The following RSRC1 variants were observed in gnomAD, a reference collection of about 807,000 sequenced individuals.
RSRC1 encodes serine/Arginine-related protein 53.
A neutral mutation model predicts 49.1 loss-of-function variants in RSRC1; 39 were observed. That is an observed-to-expected ratio of 0.79 (90% CI 0.61 to 1.04). The LOEUF (loss-of-function observed/expected upper bound fraction) is 1.04. Ranked by LOEUF, RSRC1 falls within the 50% of genes least tolerant of loss-of-function variation. The pLI is 0.00. For synonymous variants in RSRC1, 143 were observed against 130.8 expected (o/e 1.09, Z -0.63); for missense variants, 388 against 402.4 (o/e 0.96, Z 0.31).
At chr3:158,366,788 A>AT (rs1182205260) in intron 6 of RSRC1, among the ~76,000 whole-genome samples, 1 of 152,014 alleles carries the variant, frequency 6.6e-6, no homozygotes, top group Non-Finnish European at 1.5e-5. Context: ...TGAGCATGGA[A>AT]TTTTTTTCCC....
chr3:158,315,654 TAATTA>T (rs1728387538), intron 5 of RSRC1, among the ~76,000 whole-genome samples: 1 of 152,186 alleles, frequency 6.6e-6, no homozygotes, highest in African/African-American at 2.4e-5. Context: ...TAAACAATCT[TAATTA>T]AATGAAGGAG....
intron 4 of RSRC1, among the ~76,000 whole-genome samples, chr3:158,251,984 T>G (rs1345202782): frequency 6.6e-6 from 1 of 152,170 alleles, no homozygotes; most frequent in Non-Finnish European, 1.5e-5. Context: ...CATTGAGATA[T>G]TTTCCTTCTG....
At chr3:158,239,635 A>G (rs992417640) in intron 4 of RSRC1, among the ~76,000 whole-genome samples, 1 of 152,088 alleles carries the variant, frequency 6.6e-6, no homozygotes, top group Non-Finnish European at 1.5e-5. Context: ...ATGATGAGTT[A>G]ATGGGTACAG....
intron 6 of RSRC1, 78 bp downstream of exon 6, chr3:158,354,986 G>T (rs1731080869): frequency 5.9e-6 from 5 of 853,670 alleles, no homozygotes; most frequent in East Asian, 3.4e-5. Flanking sequence ...TTAGAAATGA[G>T]TAAAAAAAAA....
At chr3:158,506,156 A>AAC (rs1739851317) in intron 7 of RSRC1, among the ~76,000 whole-genome samples, 1 of 152,200 alleles carries the variant, frequency 6.6e-6, no homozygotes, top group Non-Finnish European at 1.5e-5. Flanking sequence ...AACCAAGTGA[A>AAC]AGACAAGCTT....
intron 6 of RSRC1, among the ~76,000 whole-genome samples, chr3:158,408,540 A>G (rs140629826): frequency 5.3e-5 from 8 of 152,326 alleles, no homozygotes; most frequent in African/African-American, 1.7e-4. Flanking sequence ...AAAAAAAATG[A>G]GCAAATTTAG....
chr3:158,448,767 G>T (rs767510896), intron 6 of RSRC1, among the ~76,000 whole-genome samples: 6 of 151,858 alleles, frequency 4.0e-5, no homozygotes, highest in Non-Finnish European at 8.8e-5. Context: ...TAAAAAGAAA[G>T]AGCACATGAA....
chr3:158,313,049 T>G (rs931382999), intron 5 of RSRC1, among the ~76,000 whole-genome samples: 1 of 152,134 alleles, frequency 6.6e-6, no homozygotes, highest in Non-Finnish European at 1.5e-5. Context: ...TATATTCTAG[T>G]CCTTGCTGTT....
At chr3:158,367,343 G>T (rs12639261) in intron 6 of RSRC1, among the ~76,000 whole-genome samples, 33,377 of 152,044 alleles carry the variant, frequency 0.22, 4,259 homozygotes, top group Non-Finnish European at 0.29. Flanking sequence ...TTTTTTGCAT[G>T]AAGGGGTGTT....
chr3:158,288,838 C>CCG (rs1726742617), intron 4 of RSRC1, among the ~76,000 whole-genome samples: 1 of 44,636 alleles, frequency 2.2e-5, no homozygotes, highest in African/African-American at 1.0e-4. Flanking sequence ...GTTCCCCGCC[C>CCG]CCCCCCCCCC....
At chr3:158,209,723 T>G (rs1721554830) in intron 4 of RSRC1, among the ~76,000 whole-genome samples, 1 of 152,094 alleles carries the variant, frequency 6.6e-6, no homozygotes, top group Non-Finnish European at 1.5e-5. Context: ...ATTCTTCCAT[T>G]TTTCTTTGTA....
Position 158,287,366 on chromosome 3 carries a change from G to C in RSRC1, c.495-10673G>C, listed in dbSNP as rs6782027. 5.5e-3 allele frequency among the ~76,000 whole-genome samples: 838 copies of C among 152,168 alleles called. 10 individuals carry two copies. Among genetic ancestry groups the C allele is most frequent in the African/African-American group, 0.02 (817 of 41,518 alleles). ...TGTATTTATATAGAAGTAATAGAAT[G>C]CATGAATTTATTTATGATTAAATAG... On this transcript the variant is annotated intron_variant, in intron 4 of 9. Coordinates refer to ENST00000611884, the MANE Select transcript of RSRC1 (RefSeq NM_001271838.2).
chr3:158,191,368 A>G (rs1720230477), intron 3 of RSRC1, among the ~76,000 whole-genome samples: 1 of 152,104 alleles, frequency 6.6e-6, no homozygotes, highest in South Asian at 2.1e-4. Flanking sequence ...CTTTATTTAT[A>G]GATAGGACTT....
At chr3:158,386,115 G>T (rs1189237772) in intron 6 of RSRC1, among the ~76,000 whole-genome samples, 1 of 151,876 alleles carries the variant, frequency 6.6e-6, no homozygotes, top group Non-Finnish European at 1.5e-5. Context: ...TTATTGAGTG[G>T]ATAAATTTTT....
At chr3:158,442,121 G>T (rs1327202614) in intron 6 of RSRC1, among the ~76,000 whole-genome samples, 1 of 152,124 alleles carries the variant, frequency 6.6e-6, no homozygotes, top group Non-Finnish European at 1.5e-5. Context: ...AGCCTTTAGT[G>T]AGGAGGGTCT....
intron 7 of RSRC1, chr3:158,496,563 T>C (rs1380848140): frequency 2.0e-5 from 3 of 152,750 alleles, no homozygotes; most frequent in Admixed American, 6.5e-5. Flanking sequence ...GAGTTGGCCT[T>C]GTGGCATTAT....
In RSRC1 at chr3:158,411,213, AGTT is replaced by A. The variant is rs541779027; in HGVS notation, c.584-49716_584-49714del. ...AATTTCTGCTGTTGATGGACTTTTG[AGTT>A]GTTGTCAGTTTGATGCTAATATGAA... On this transcript the variant is annotated intron_variant, in intron 6 of 9. Coordinates refer to ENST00000611884, the MANE Select transcript of RSRC1 (RefSeq NM_001271838.2). Among the ~76,000 whole-genome samples the A allele has an allele frequency of 1.4e-4, 21 of 152,112 alleles. No homozygotes were observed. The South Asian group carries it at 3.5e-3, about 26-fold the overall frequency.
chr3:158,449,098 A>G (rs778610753), intron 6 of RSRC1, among the ~76,000 whole-genome samples: 2 of 151,892 alleles, frequency 1.3e-5, no homozygotes, highest in Non-Finnish European at 2.9e-5. Context: ...TACTAGTATT[A>G]TTTCTAACAA....
chr3:158,357,912 TG>T (rs747394339), intron 6 of RSRC1, among the ~76,000 whole-genome samples: 28 of 152,240 alleles, frequency 1.8e-4, no homozygotes, highest in Non-Finnish European at 2.9e-5. Context: ...AAGGTTAATA[TG>T]TAGAAATCCT....
Sources: allele counts gnomAD v4.1 joint callset (sites outside exome capture counted in the v4.1 genomes callset), GRCh38; gene constraint gnomAD v4.1.1; transcripts MANE v1.5; gene names NCBI Gene and HGNC (gene_info 2026-07-23, HGNC 2026-07-21).